Variants in PARVA observed in about 807,000 individuals in gnomAD.
PARVA encodes the protein alpha-parvin.
Under a neutral mutation model 52.6 loss-of-function variants are expected in PARVA, and 25 were observed. The ratio of observed to expected loss-of-function variants is 0.48; its 90% CI spans 0.35 to 0.66. The LOEUF (loss-of-function observed/expected upper bound fraction) is 0.66, where lower values mean the gene tolerates loss of function less well. Ranked by LOEUF, PARVA falls within the 30% of genes least tolerant of loss-of-function variation. PARVA has a pLI of 0.01. For synonymous variants in PARVA, 185 were observed against 179.1 expected (o/e 1.03, Z -0.26); for missense variants, 373 against 450.9 (o/e 0.83, Z 1.56).
At chr11:12,484,574 TAA>T (rs1469906904) in intron 4 of PARVA, among the ~76,000 whole-genome samples, 1 of 150,498 alleles carries the variant, frequency 6.6e-6, no homozygotes, top group Non-Finnish European at 1.5e-5. Context: ...TGATAGACCC[TAA>T]AGAGTGCATT....
chr11:12,502,743 T>G (rs1242704793), intron 5 of PARVA, among the ~76,000 whole-genome samples: 1 of 152,178 alleles, frequency 6.6e-6, no homozygotes, highest in Non-Finnish European at 1.5e-5. Flanking sequence ...AGATTTTTAT[T>G]CTAAAGAATA....
chr11:12,395,105 A>AAAGAAAG (rs1555030350), intron 1 of PARVA, among the ~76,000 whole-genome samples: 11,337 of 148,912 alleles, frequency 0.076, 529 homozygotes, highest in African/African-American at 0.11. Context: ...AAAAAAAAAA[A>AAAGAAAG]AAAGAAAGAA....
rs368993521 is a variant in PARVA at position 12,473,773 on chromosome 11, C to G, written c.165C>G (p.Asn55Lys). ...EVSELQEEGMNAINLPLSPIP... is the reference protein window; with the variant it reads ...EVSELQEEGMKAINLPLSPIP... Reference sequence around the variant, plus strand: ...CCGAGCTGCAGGAGGAGGGAATGAACGCCATCAACCTGCCCCTCAGCCCAA... The same window carrying G: ...CCGAGCTGCAGGAGGAGGGAATGAAGGCCATCAACCTGCCCCTCAGCCCAA... Residue 55 changes from asparagine to lysine, a missense_variant, in exon 2 of 13, where the codon AAC (asparagine) becomes AAG (lysine). Coordinates refer to ENST00000334956, the MANE Select transcript of PARVA (RefSeq NM_018222.5). The G allele has an allele frequency of 1.5e-5, 24 of 1,568,572 alleles. No homozygotes were observed.
chr11:12,455,217 C>T (rs940940442), intron 1 of PARVA, among the ~76,000 whole-genome samples: 1 of 152,132 alleles, frequency 6.6e-6, no homozygotes, highest in African/African-American at 2.4e-5. Context: ...ATGTTAGGAG[C>T]TATTGATGAT....
intron 11 of PARVA, 42 bp from the exon 12 acceptor site, chr11:12,518,403 T>C (rs1207149739): frequency 2.0e-6 from 3 of 1,501,226 alleles, no homozygotes; most frequent in South Asian, 1.1e-5. Context: ...CTGGGGCTCC[T>C]GGGTGTGCAA....
At chr11:12,420,561 T>G (rs771318419) in intron 1 of PARVA, among the ~76,000 whole-genome samples, 3 of 152,200 alleles carry the variant, frequency 2.0e-5, no homozygotes, top group Admixed American at 6.5e-5. Flanking sequence ...TTCCACCTAA[T>G]AATAAGGAGT....
intron 6 of PARVA, among the ~76,000 whole-genome samples, chr11:12,507,914 G>T (rs1941452210): frequency 6.6e-6 from 1 of 151,866 alleles, no homozygotes; most frequent in Non-Finnish European, 1.5e-5. Flanking sequence ...TACATAGAGG[G>T]CACTGATTAA....
At chr11:12,392,266 CTT>C (rs113647098) in intron 1 of PARVA, among the ~76,000 whole-genome samples, 2,611 of 136,136 alleles carry the variant, frequency 0.019, 71 homozygotes, top group African/African-American at 0.065. Flanking sequence ...TACTTCATTC[CTT>C]TTTTTTTTTT....
At chr11:12,431,763 A>G (rs985015833) in intron 1 of PARVA, among the ~76,000 whole-genome samples, 3 of 152,118 alleles carry the variant, frequency 2.0e-5, no homozygotes, top group Non-Finnish European at 4.4e-5. Context: ...ACTCCCTGCC[A>G]ACTTCCTTCA....
intron 1 of PARVA, among the ~76,000 whole-genome samples, chr11:12,402,571 C>T (rs999769820): frequency 6.6e-6 from 1 of 152,162 alleles, no homozygotes; most frequent in African/African-American, 2.4e-5. Context: ...GGTGCCTAAG[C>T]TTTTTCTGTC....
chr11:12,491,407 G>A (rs535193402), intron 4 of PARVA, among the ~76,000 whole-genome samples: 2 of 152,082 alleles, frequency 1.3e-5, no homozygotes, highest in Non-Finnish European at 2.9e-5. Flanking sequence ...GCCTCAAGCA[G>A]TCCTCCTGCC....
At chr11:12,475,263 G>C in intron 3 of PARVA, among the ~76,000 whole-genome samples, 1 of 152,228 alleles carries the variant, frequency 6.6e-6, no homozygotes, top group East Asian at 1.9e-4. Context: ...CCCCTCATCT[G>C]AAAGTCTCAG....
rs2094204460 is a variant in PARVA at position 12,389,230 on chromosome 11, A to T, written c.136+11447A>T. On this transcript the variant is annotated intron_variant, in intron 1 of 12. Coordinates refer to ENST00000334956, the MANE Select transcript of PARVA (RefSeq NM_018222.5). Reference sequence around the variant, plus strand: ...CTCAGAAGCAGGCCTTTATTTGAGAATGTTCTCTATGGCCATCTTTCCATC... The same window carrying T: ...CTCAGAAGCAGGCCTTTATTTGAGATTGTTCTCTATGGCCATCTTTCCATC... 2.0e-5 allele frequency among the ~76,000 whole-genome samples: 3 copies of T among 152,190 alleles called. No individual in the cohort carries two copies. In the South Asian group the frequency reaches 6.2e-4, roughly 32 times the overall value.
chr11:12,378,173 A>G (rs1939432175), intron 1 of PARVA, among the ~76,000 whole-genome samples: 1 of 152,088 alleles, frequency 6.6e-6, no homozygotes, highest in East Asian at 1.9e-4. Flanking sequence ...TCTGCGCCCG[A>G]AGGCTGGCAT....
chr11:12,422,734 G>A lies in PARVA; in HGVS notation c.136+44951G>A, dbSNP rs532120294. On this transcript the variant is annotated intron_variant, in intron 1 of 12. Transcript: ENST00000334956. ...TGTCAAATGAAGTCTCATTACTGATGACAATATATGTTTATCTCACACTAT... is the reference window on the plus strand; with the variant it reads ...TGTCAAATGAAGTCTCATTACTGATAACAATATATGTTTATCTCACACTAT... 2.0e-3 allele frequency among the ~76,000 whole-genome samples: 297 copies of A among 152,158 alleles called. 1 individual carries two copies. Among genetic ancestry groups the A allele is most frequent in the Middle Eastern group, 3.4e-3 (1 of 294 alleles).
At chr11:12,504,774 G>GGGGTGTGTGTGT (rs1554901960) in intron 6 of PARVA, among the ~76,000 whole-genome samples, 139 of 149,344 alleles carry the variant, frequency 9.3e-4, no homozygotes, top group African/African-American at 2.9e-3. Context: ...AAGGTATGTG[G>GGGGTGTGTGTGT]GTGTGTGTGT....
At chr11:12,505,150 T>A (rs187870907) in intron 6 of PARVA, among the ~76,000 whole-genome samples, 2 of 152,362 alleles carry the variant, frequency 1.3e-5, no homozygotes, top group Admixed American at 1.3e-4. Flanking sequence ...CAATTTTATT[T>A]TCCAACTTTA....
chr11:12,383,903 A>G (rs1012399654), intron 1 of PARVA, among the ~76,000 whole-genome samples: 2 of 152,296 alleles, frequency 1.3e-5, no homozygotes, highest in Non-Finnish European at 2.9e-5. Flanking sequence ...GCCTTGAACA[A>G]TGGCACCCAT....
At position 12,532,128 on chromosome 11, in the gene PARVA, G is replaced by T. The variant is rs1380248024; in HGVS notation, c.*4203G>T. ...GCGTGTTCACGTGTTCATGACAACA[G>T]CAATGCAGCCATGAGGGTGCTGCCC... On this transcript the variant is annotated 3_prime_UTR_variant, in exon 13 of 13. Coordinates refer to ENST00000334956, the MANE Select transcript of PARVA (RefSeq NM_018222.5). Among the ~76,000 whole-genome samples the T allele has an allele frequency of 6.6e-6, 1 of 152,184 alleles. No individual in the cohort carries two copies. The highest frequency in any genetic ancestry group is 1.5e-5 in the Non-Finnish European group (1 of 68,048).
Sources: allele counts gnomAD v4.1 joint callset (sites outside exome capture counted in the v4.1 genomes callset), GRCh38; gene constraint gnomAD v4.1.1; transcripts MANE v1.5; gene names NCBI Gene and HGNC (gene_info 2026-07-23, HGNC 2026-07-21).